TNFSF4: variants seen among roughly 807,000 people sequenced by gnomAD.
TNFSF4 encodes TNF superfamily member 4.
A neutral mutation model predicts 7.3 loss-of-function variants in TNFSF4; 4 were observed. The ratio of observed to expected loss-of-function variants is 0.55; its 90% CI spans 0.27 to 1.25. The LOEUF (loss-of-function observed/expected upper bound fraction) is 1.25, where lower values mean the gene tolerates loss of function less well. TNFSF4 is among the 50% of genes most tolerant of loss of function. The pLI, the probability that TNFSF4 is intolerant of heterozygous loss-of-function variation, is 0.12. For synonymous variants in TNFSF4, 76 were observed against 83.7 expected, an observed-to-expected ratio of 0.91 and a Z score of 0.50; for missense variants, 181 against 208.8, an observed-to-expected ratio of 0.87 and a Z score of 0.82.
At chr1:173,346,586 T>G in the TNFSF4 span, among the ~76,000 whole-genome samples, 1 of 152,058 alleles carries the variant, frequency 6.6e-6, no homozygotes, top group Non-Finnish European at 1.5e-5. Context: ...TCCCTAAGAT[T>G]CAGCAGTACA....
chr1:173,302,754 T>C, the TNFSF4 span, among the ~76,000 whole-genome samples: 5 of 151,492 alleles, frequency 3.3e-5, no homozygotes, highest in Admixed American at 2.0e-4. Flanking sequence ...ACTCTTTCTT[T>C]TTTTTTTTCC....
At chr1:173,444,491 G>C in the TNFSF4 span, among the ~76,000 whole-genome samples, 6 of 151,448 alleles carry the variant, frequency 4.0e-5, no homozygotes, top group Non-Finnish European at 5.9e-5. Flanking sequence ...TCTTTGGATA[G>C]TCAGGTTTTG....
In TNFSF4 at chr1:173,184,265, CATTCA is replaced by C. The variant is rs762110944; in HGVS notation, c.*2246_*2250del. On this transcript the variant is annotated 3_prime_UTR_variant, in exon 3 of 3. Transcript: ENST00000281834. ...TTAAAATTCTGATCTCCTGACTTTTCATTCAATTCTTTTCCCACAAAACTCTGCCA... is the reference window on the plus strand; with the variant it reads ...TTAAAATTCTGATCTCCTGACTTTTCATTCTTTTCCCACAAAACTCTGCCA... The C allele has an allele frequency of 2.0e-5, 3 of 152,220 alleles. No homozygotes were observed. The highest frequency in any genetic ancestry group is 2.4e-5 in the African/African-American group (1 of 41,452). 9.4% of individuals were successfully genotyped at this position (152,220 alleles called of 1,614,324 possible).
intron 1 of TNFSF4, among the ~76,000 whole-genome samples, chr1:173,196,560 G>A (rs953608378): frequency 4.6e-5 from 7 of 152,016 alleles, no homozygotes; most frequent in East Asian, 1.9e-4. Flanking sequence ...GAGTTTTCCC[G>A]CAGAGAAGCC....
chr1:173,425,699 A>G, the TNFSF4 span, among the ~76,000 whole-genome samples: 1 of 152,210 alleles, frequency 6.6e-6, no homozygotes, highest in Non-Finnish European at 1.5e-5. Flanking sequence ...AGAAAGAAAC[A>G]TGATAGAGTA....
the TNFSF4 span, among the ~76,000 whole-genome samples, chr1:173,331,381 A>G: frequency 6.6e-6 from 1 of 152,236 alleles, no homozygotes; most frequent in Non-Finnish European, 1.5e-5. Context: ...ACACACTGTT[A>G]TCACAATGAC....
chr1:173,404,152 G>A, the TNFSF4 span, among the ~76,000 whole-genome samples: 3 of 152,170 alleles, frequency 2.0e-5, no homozygotes, highest in South Asian at 2.1e-4. Context: ...GACTTATTGT[G>A]TGATAATGGG....
At chr1:173,316,079 A>G in the TNFSF4 span, among the ~76,000 whole-genome samples, 1 of 152,142 alleles carries the variant, frequency 6.6e-6, no homozygotes, top group Non-Finnish European at 1.5e-5. Context: ...ATGTAGGACA[A>G]AAGTCCAATT....
At chr1:173,376,940 G>C in the TNFSF4 span, among the ~76,000 whole-genome samples, 1 of 152,000 alleles carries the variant, frequency 6.6e-6, no homozygotes, top group Non-Finnish European at 1.5e-5. Context: ...AACTCCGGAC[G>C]CACCACTTTT....
the TNFSF4 span, among the ~76,000 whole-genome samples, chr1:173,177,237 A>T: frequency 6.6e-6 from 1 of 152,218 alleles, no homozygotes; most frequent in African/African-American, 2.4e-5. Flanking sequence ...TGTGGTATAT[A>T]TACACAATGG....
chr1:173,192,676 T>C (rs1649536265), intron 1 of TNFSF4, among the ~76,000 whole-genome samples: 2 of 152,186 alleles, frequency 1.3e-5, no homozygotes, highest in Admixed American at 6.5e-5. Flanking sequence ...CCACAGAATG[T>C]ACAGTTAACC....
the TNFSF4 span, among the ~76,000 whole-genome samples, chr1:173,268,393 T>C: frequency 1.3e-5 from 2 of 151,972 alleles, no homozygotes; most frequent in Non-Finnish European, 2.9e-5. Context: ...CAGAAGAAGC[T>C]AAAGAGACCT....
intron 1 of TNFSF4, among the ~76,000 whole-genome samples, chr1:173,204,854 C>G (rs1012986614): frequency 2.6e-5 from 4 of 151,768 alleles, no homozygotes; most frequent in Admixed American, 6.6e-5. Context: ...ACAATGTTCT[C>G]TCTCAATCTC....
the TNFSF4 span, among the ~76,000 whole-genome samples, chr1:173,391,877 A>C: frequency 6.6e-6 from 1 of 152,214 alleles, no homozygotes; most frequent in South Asian, 2.1e-4. Context: ...TATAAAAATA[A>C]AAAGCAGGAC....
chr1:173,245,709 T>A, the TNFSF4 span, among the ~76,000 whole-genome samples: 2 of 152,026 alleles, frequency 1.3e-5, no homozygotes, highest in Admixed American at 1.3e-4. Context: ...TAACTGTAAC[T>A]TTTTACCTGT....
the TNFSF4 span, among the ~76,000 whole-genome samples, chr1:173,273,155 C>G: frequency 6.6e-6 from 1 of 152,128 alleles, no homozygotes; most frequent in Non-Finnish European, 1.5e-5. Flanking sequence ...ATCATCTTGT[C>G]CTTTCTTAAA....
intron 1 of TNFSF4, chr1:173,205,356 A>G (rs966142261): frequency 2.5e-6 from 4 of 1,611,864 alleles, no homozygotes; most frequent in Admixed American, 1.7e-5. Flanking sequence ...TTTTCTTCCC[A>G]CAGCTTTCCT....
At chr1:173,210,560 T>C (rs1650339125), upstream of TNFSF4, among the ~76,000 whole-genome samples, 1 of 152,192 alleles carries the variant, frequency 6.6e-6, no homozygotes, top group Non-Finnish European at 1.5e-5. Context: ...AATGGACTTT[T>C]GTTACAAGTT....
At chr1:173,430,177 A>C in the TNFSF4 span, among the ~76,000 whole-genome samples, 1 of 152,184 alleles carries the variant, frequency 6.6e-6, no homozygotes, top group African/African-American at 2.4e-5. Context: ...CAGGGAATCT[A>C]ATATCCAGGC....
Sources: gnomAD v4.1 joint callset for allele counts (sites outside exome capture counted in the v4.1 genomes callset) on GRCh38, gnomAD v4.1.1 for gene constraint, MANE v1.5 for transcripts, NCBI Gene and HGNC (gene_info 2026-07-23, HGNC 2026-07-21) for gene names.